Variants in DSCAM observed in about 807,000 individuals in gnomAD.
The protein encoded by DSCAM is DS cell adhesion molecule, also known as cell adhesion molecule DSCAM.
A neutral mutation model predicts 217.7 loss-of-function variants in DSCAM; 47 were observed. The ratio of observed to expected loss-of-function variants is 0.22; its 90% confidence interval spans 0.17 to 0.28. The LOEUF (loss-of-function observed/expected upper bound fraction) is 0.28. Among genes scored for constraint, DSCAM ranks in the 10% least tolerant of loss-of-function variants. DSCAM has a pLI of 1.00. For synonymous variants in DSCAM, 1,056 were observed against 1,015.3 expected (o/e 1.04, Z -0.76); for missense variants, 2,080 against 2,618.3 (o/e 0.79, Z 4.49).
intron 3 of DSCAM, among the ~76,000 whole-genome samples, chr21:40,656,446 C>G (rs866065241): frequency 6.6e-6 from 1 of 151,478 alleles, no homozygotes; most frequent in Non-Finnish European, 1.5e-5. Context: ...GTCAAACAAG[C>G]TGTGTGTGTT....
rs55878811 is a variant in DSCAM, at chr21:40,659,353, G to GTATCTATCTATC, written c.508+33445_508+33456dup. On this transcript the variant is annotated intron_variant, in intron 3 of 32. Transcript: ENST00000400454. ...TCACACCTGTTTGGTGATCAGATGA[G>GTATCTATCTATC]TATCTATCTATCTATCTATCTATCT... Among the ~76,000 whole-genome samples the GTATCTATCTATC allele has an allele frequency of 8.5e-3, 1,260 of 148,484 alleles. 3 individuals are homozygous for GTATCTATCTATC. The highest frequency in any genetic ancestry group is 0.014 in the Middle Eastern group (4 of 288).
chr21:40,435,761 A>C (rs553245622), intron 3 of DSCAM, among the ~76,000 whole-genome samples: 3 of 152,312 alleles, frequency 2.0e-5, no homozygotes, highest in Admixed American at 6.5e-5. Context: ...CCCTTTACCT[A>C]TACAGACAGT....
chr21:40,013,686 A>G (rs2088104285), intron 32 of DSCAM, among the ~76,000 whole-genome samples: 1 of 152,194 alleles, frequency 6.6e-6, no homozygotes, highest in Non-Finnish European at 1.5e-5. Flanking sequence ...CATCGTTGAA[A>G]GAAAAACATA....
chr21:40,748,980 G>A (rs2091201250), intron 1 of DSCAM, among the ~76,000 whole-genome samples: 1 of 152,102 alleles, frequency 6.6e-6, no homozygotes, highest in Admixed American at 6.6e-5. Context: ...ACTCATTGGG[G>A]AAAGGACAGT....
intron 11 of DSCAM, among the ~76,000 whole-genome samples, chr21:40,248,766 C>G (rs1466491117): frequency 6.6e-6 from 1 of 152,154 alleles, no homozygotes; most frequent in Non-Finnish European, 1.5e-5. Flanking sequence ...TCTACAGGTA[C>G]CAATTTACTG....
chr21:40,318,645 G>A (rs926463784), intron 8 of DSCAM, among the ~76,000 whole-genome samples: 1 of 152,176 alleles, frequency 6.6e-6, no homozygotes, highest in African/African-American at 2.4e-5. Context: ...CTAGCTTACC[G>A]TGACTTAGGC....
chr21:40,373,472 A>C (rs2074919866), intron 3 of DSCAM, among the ~76,000 whole-genome samples: 1 of 152,164 alleles, frequency 6.6e-6, no homozygotes, highest in Non-Finnish European at 1.5e-5. Flanking sequence ...TTGAGGAAAA[A>C]GGATAGAAGG....
At chr21:40,707,894 G>A (rs2090734960) in intron 2 of DSCAM, among the ~76,000 whole-genome samples, 1 of 152,078 alleles carries the variant, frequency 6.6e-6, no homozygotes, top group Non-Finnish European at 1.5e-5. Flanking sequence ...TTGTTAAAAG[G>A]AACATAGCCC....
intron 1 of DSCAM, among the ~76,000 whole-genome samples, chr21:40,819,538 A>G (rs1178294235): frequency 6.6e-6 from 1 of 152,254 alleles, no homozygotes; most frequent in Non-Finnish European, 1.5e-5. Context: ...CTAATGCCAT[A>G]TAATTACTAA....
chr21:40,101,902 G>A (rs983258116), intron 20 of DSCAM, among the ~76,000 whole-genome samples: 4 of 152,034 alleles, frequency 2.6e-5, no homozygotes, highest in East Asian at 1.9e-4. Flanking sequence ...TTGGACTATC[G>A]TTCTCTCCTT....
At chr21:40,467,424 C>T (rs1006295405) in intron 3 of DSCAM, among the ~76,000 whole-genome samples, 3 of 152,166 alleles carry the variant, frequency 2.0e-5, no homozygotes, top group African/African-American at 7.2e-5. Context: ...CAGAAGTTTT[C>T]AAATGACTAT....
chr21:40,846,817 C>G lies in DSCAM; in HGVS notation c.-156G>C, dbSNP rs1004682203. On this transcript the variant is annotated 5_prime_UTR_variant, in exon 1 of 33. Transcript: ENST00000400454. ...CCGCCGCTGCCTAGCCGCCCGGGCA[C>G]GCGGCGCGGCCGGGCTCCGGAGCGA... The G allele has an allele frequency of 1.2e-5, 2 of 164,420 alleles. No homozygotes were observed. Among genetic ancestry groups the G allele is most frequent in the Non-Finnish European group, 2.4e-5 (2 of 82,292 alleles). 10.2% of individuals were successfully genotyped at this position (164,420 alleles called of 1,614,324 possible).
At chr21:40,406,028 G>C (rs1358573668) in intron 3 of DSCAM, among the ~76,000 whole-genome samples, 1 of 152,030 alleles carries the variant, frequency 6.6e-6, no homozygotes. Flanking sequence ...TATATAAATG[G>C]CCAAGGGGTA....
chr21:40,811,049 C>A (rs757402819), intron 1 of DSCAM, among the ~76,000 whole-genome samples: 1 of 152,168 alleles, frequency 6.6e-6, no homozygotes, highest in Non-Finnish European at 1.5e-5. Context: ...ATATTTCATT[C>A]AGTTAAATTA....
At chr21:40,499,980 C>T (rs1032370974) in intron 3 of DSCAM, among the ~76,000 whole-genome samples, 16 of 152,202 alleles carry the variant, frequency 1.1e-4, no homozygotes, top group African/African-American at 3.9e-4. Flanking sequence ...AGGGTTTCAC[C>T]ATGTTGGCTA....
chr21:40,779,973 T>C (rs905765549), intron 1 of DSCAM, among the ~76,000 whole-genome samples: 4 of 152,210 alleles, frequency 2.6e-5, no homozygotes, highest in African/African-American at 9.6e-5. Context: ...ACACCTGATG[T>C]ACAGATCAAA....
At chr21:40,030,951 C>G (rs187498900) in intron 32 of DSCAM, among the ~76,000 whole-genome samples, 1 of 152,108 alleles carries the variant, frequency 6.6e-6, no homozygotes, top group Non-Finnish European at 1.5e-5. Flanking sequence ...ATCCTCCTGC[C>G]ACTGTGTTCA....
At chr21:40,567,455 A>C (rs2076773258) in intron 3 of DSCAM, among the ~76,000 whole-genome samples, 1 of 152,272 alleles carries the variant, frequency 6.6e-6, no homozygotes, top group South Asian at 2.1e-4. Context: ...GCTCTAGAAG[A>C]CAATGGACAT....
intron 3 of DSCAM, among the ~76,000 whole-genome samples, chr21:40,647,501 G>C (rs577431719): frequency 1.6e-4 from 21 of 134,124 alleles, no homozygotes; most frequent in African/African-American, 5.0e-4. Context: ...TATTAAATAA[G>C]TTTAATGGAC....
Sources: allele counts gnomAD v4.1 joint callset (sites outside exome capture counted in the v4.1 genomes callset), GRCh38; gene constraint gnomAD v4.1.1; transcripts MANE v1.5; gene names NCBI Gene and HGNC (gene_info 2026-07-23, HGNC 2026-07-21).